PSME4: variants seen among roughly 807,000 people sequenced by gnomAD.
PSME4 encodes proteasome activator complex subunit 4.
Under a neutral mutation model 253.9 loss-of-function variants are expected in PSME4, and 89 were observed. That is an observed-to-expected ratio of 0.35 (90% CI 0.30 to 0.42). The LOEUF is 0.42. PSME4 is among the 10% of genes least tolerant of loss of function. The pLI, the probability that PSME4 is intolerant of heterozygous loss-of-function variation, is 1.00. For missense variants in PSME4, 2,014 were observed against 2,195.2 expected (o/e 0.92, Z 1.65); for synonymous variants, 851 against 759.2 (o/e 1.12, Z -1.99).
chr2:53,889,934 CCTCACTTAGAATAATAGTCT>C (rs1679826497), intron 37 of PSME4, among the ~76,000 whole-genome samples, 150 bp downstream of exon 37: 1 of 152,036 alleles, frequency 6.6e-6, no homozygotes, highest in Non-Finnish European at 1.5e-5. Context: ...AAGTGAGTTA[CCTCACTTAGAATAATAGTCT>C]CTAATCCCAT....
rs748797298 is a variant in PSME4, at chr2:53,923,327, A to G, written c.1902T>C (p.Ala634=). Residue 634 remains alanine (A), a synonymous_variant, in exon 15 of 47, where the codon GCT becomes GCC. Transcript: ENST00000404125. ...TTCAAAAAAATAAACTCACCTTTACAGCAGCGCGGCACATGTCTGCCACCA... is the reference window on the plus strand; with the variant it reads ...TTCAAAAAAATAAACTCACCTTTACGGCAGCGCGGCACATGTCTGCCACCA... ...GRMVADMCRA[A]VKCCPEESLK... is the part of the protein sequence containing the mutation. The G allele has an allele frequency of 6.9e-6, 11 of 1,600,478 alleles. No homozygotes were observed. Among genetic ancestry groups the G allele is most frequent in the South Asian group, 1.1e-5 (1 of 87,240 alleles).
At chr2:53,970,360 A>T in intron 1 of PSME4, among the ~76,000 whole-genome samples, 183 bp downstream of exon 1, 1 of 152,212 alleles carries the variant, frequency 6.6e-6, no homozygotes, top group Non-Finnish European at 1.5e-5. Flanking sequence ...CCCGTAGGAA[A>T]GTGGCAGGGA....
chr2:53,931,208 C>T (rs1043356972), intron 10 of PSME4, among the ~76,000 whole-genome samples: 2 of 151,952 alleles, frequency 1.3e-5, no homozygotes. Flanking sequence ...ACCAGGAAGG[C>T]GGAGGTTGCG....
At chr2:53,968,947 C>A (rs955645549) in intron 1 of PSME4, among the ~76,000 whole-genome samples, 4 of 152,168 alleles carry the variant, frequency 2.6e-5, no homozygotes, top group Non-Finnish European at 5.9e-5. Flanking sequence ...TGCCTTCACA[C>A]CATGGCATAT....
chr2:53,892,559 C>A (rs115134109), intron 36 of PSME4, among the ~76,000 whole-genome samples: 1,525 of 152,098 alleles, frequency 0.01, 27 homozygotes, highest in African/African-American at 0.035. Context: ...AACTGGAATT[C>A]TTTTTTAATT....
intron 2 of PSME4, 88 bp from the exon 3 acceptor site, chr2:53,948,625 A>T: frequency 1.2e-6 from 1 of 831,388 alleles, no homozygotes; most frequent in South Asian, 1.5e-5. Context: ...ACAGTTAAAC[A>T]TTGCTGCTCA....
chr2:53,966,621 T>C (rs748381205), intron 1 of PSME4, among the ~76,000 whole-genome samples: 1 of 151,710 alleles, frequency 6.6e-6, no homozygotes, highest in Non-Finnish European at 1.5e-5. Flanking sequence ...CACGTACAGA[T>C]AACCTGAGGT....
chr2:53,884,308 T>A (rs535242438), intron 41 of PSME4, among the ~76,000 whole-genome samples: 2 of 152,312 alleles, frequency 1.3e-5, no homozygotes, highest in East Asian at 3.9e-4. Context: ...CCTCCCGGGT[T>A]CAAGCGATTC....
chr2:53,889,745 A>G (rs1679817697), intron 37 of PSME4, among the ~76,000 whole-genome samples: 1 of 152,226 alleles, frequency 6.6e-6, no homozygotes, highest in African/African-American at 2.4e-5. Context: ...GGCTTTTACT[A>G]TATGTAAGTG....
At chr2:53,884,738 T>G (rs1005545137) in intron 41 of PSME4, among the ~76,000 whole-genome samples, 1 of 152,172 alleles carries the variant, frequency 6.6e-6, no homozygotes, top group African/African-American at 2.4e-5. Flanking sequence ...AGACAAAGCC[T>G]ACATACACCA....
In PSME4 at chr2:53,908,380, C is replaced by T. The variant is rs966507340; in HGVS notation, c.2724G>A (p.Lys908=). ...TTTTCCATCGGGAGTCAAATTCATG[C>T]TTGTGAGATCCTTGGAATTGTAAAA... The part of the protein sequence containing the change: ...GDLLQFQGSH[K]HEFDSRWKSF... The change falls in exon 24 of 47, where the codon AAG becomes AAA. Residue 908 remains lysine (K), a synonymous_variant. Transcript: ENST00000404125. The T allele has an allele frequency of 1.2e-6, 2 of 1,613,168 alleles. No homozygotes were observed. Among genetic ancestry groups the T allele is most frequent in the East Asian group, 2.2e-5 (1 of 44,754 alleles).
intron 11 of PSME4, 94 bp from the exon 12 acceptor site, chr2:53,927,577 A>G: frequency 1.1e-6 from 1 of 902,532 alleles, no homozygotes; most frequent in South Asian, 1.4e-5. Context: ...CCAATAAATT[A>G]TCTTGATCAA....
chr2:53,939,285 C>A (rs1159310076), intron 4 of PSME4, among the ~76,000 whole-genome samples: 1 of 152,048 alleles, frequency 6.6e-6, no homozygotes, highest in Non-Finnish European at 1.5e-5. Flanking sequence ...GTCACTGATT[C>A]CATATCATCT....
chr2:53,904,404 C>A (rs934302329), intron 26 of PSME4, among the ~76,000 whole-genome samples: 8 of 152,110 alleles, frequency 5.3e-5, no homozygotes, highest in Admixed American at 3.9e-4. Flanking sequence ...AAAGGGGAGA[C>A]TGAATGGAAC....
intron 3 of PSME4, among the ~76,000 whole-genome samples, chr2:53,946,732 GACCCT>G (rs1669727946): frequency 2.6e-5 from 4 of 152,144 alleles, no homozygotes; most frequent in African/African-American, 9.6e-5. Context: ...CCTGTGTAGA[GACCCT>G]GTCTCTACAA....
chr2:53,897,764 T>C (rs80145461), intron 31 of PSME4, 106 bp downstream of exon 31: 63,589 of 1,278,712 alleles, frequency 0.05, 3,357 homozygotes, highest in East Asian at 0.26. Flanking sequence ...TCAATACACT[T>C]CAAGATATTT....
At chr2:53,955,572 A>G (rs1670192230) in intron 1 of PSME4, among the ~76,000 whole-genome samples, 1 of 152,180 alleles carries the variant, frequency 6.6e-6, no homozygotes, top group Admixed American at 6.6e-5. Flanking sequence ...TTTATAAAGC[A>G]AGGCTCAAAA....
chr2:53,934,036 G>C (rs893747337), intron 8 of PSME4, among the ~76,000 whole-genome samples: 1 of 152,156 alleles, frequency 6.6e-6, no homozygotes, highest in African/African-American at 2.4e-5. Context: ...TGAAGAAATA[G>C]CTGCAGAAGC....
chr2:53,953,571 G>A (rs990249706), intron 1 of PSME4, among the ~76,000 whole-genome samples: 1 of 149,130 alleles, frequency 6.7e-6, no homozygotes, highest in Non-Finnish European at 1.5e-5. Flanking sequence ...AAAAATCCTA[G>A]GAATATTAAA....
Sources: allele counts gnomAD v4.1 joint callset (sites outside exome capture counted in the v4.1 genomes callset), GRCh38; gene constraint gnomAD v4.1.1; transcripts MANE v1.5; gene names NCBI Gene and HGNC (gene_info 2026-07-23, HGNC 2026-07-21).